The following PSMC2 variants were observed in gnomAD, a reference collection of about 807,000 sequenced individuals.
The protein encoded by PSMC2 is proteasome 26S subunit, ATPase 2, also known as 26S proteasome regulatory subunit 7.
PSMC2 carries 7 observed loss-of-function variants against 53.3 expected under a neutral mutation model. The observed-to-expected ratio is 0.13, with a 90% CI of 0.07 to 0.25. PSMC2 has a LOEUF of 0.25. PSMC2 is among the 10% of genes least tolerant of loss of function. PSMC2 has a pLI of 1.00. For synonymous variants in PSMC2, 169 were observed against 183.9 expected, an observed-to-expected ratio of 0.92 and a Z score of 0.66; for missense variants, 241 against 544.0, an observed-to-expected ratio of 0.44 and a Z score of 5.54.
intron 8 of PSMC2, 82 bp from the exon 9 acceptor site, chr7:103,365,994 G>A: frequency 3.6e-6 from 4 of 1,098,550 alleles, no homozygotes; most frequent in South Asian, 1.4e-5. Context: ...AATAAATATT[G>A]AAAAGTTTGA....
intron 4 of PSMC2, 139 bp from the exon 5 acceptor site, chr7:103,361,818 A>C: frequency 1.3e-6 from 1 of 776,730 alleles, no homozygotes; most frequent in Non-Finnish European, 1.9e-6. Context: ...GGGTATAGAA[A>C]AGGATCTTTA....
intron 1 of PSMC2, among the ~76,000 whole-genome samples, chr7:103,349,103 A>C (rs944379010): frequency 1.6e-4 from 24 of 151,942 alleles, no homozygotes; most frequent in African/African-American, 5.8e-4. Flanking sequence ...GCTATTTTTA[A>C]ATGTTCTTTT....
intron 4 of PSMC2, among the ~76,000 whole-genome samples, chr7:103,356,542 T>C (rs1342574246): frequency 6.6e-6 from 1 of 152,230 alleles, no homozygotes; most frequent in Non-Finnish European, 1.5e-5. Context: ...TGAGGGAAAA[T>C]AATTTTAATT....
At chr7:103,365,079 T>C (rs1025060442) in intron 8 of PSMC2, among the ~76,000 whole-genome samples, 20 of 151,276 alleles carry the variant, frequency 1.3e-4, no homozygotes, top group African/African-American at 4.8e-4. Flanking sequence ...CTGCGTGAGT[T>C]GAGGTATCCT....
At chr7:103,359,986 C>G (rs1265144942) in intron 4 of PSMC2, among the ~76,000 whole-genome samples, 2 of 151,506 alleles carry the variant, frequency 1.3e-5, no homozygotes, top group Non-Finnish European at 2.9e-5. Flanking sequence ...GAGGCTGACG[C>G]AGGAGAATTG....
At chr7:103,350,923 T>C (rs979414351) in intron 1 of PSMC2, among the ~76,000 whole-genome samples, 23 of 152,224 alleles carry the variant, frequency 1.5e-4, no homozygotes, top group African/African-American at 5.5e-4. Context: ...GTTTTTGACA[T>C]TGTTGAGCCT....
chr7:103,367,664 T>A lies in PSMC2; in HGVS notation c.1047+49T>A, dbSNP rs1235407378. ...GAAAGGGATTTTTGAAGTTTTTTCT[T>A]CCTGTGATTTTTTTCCATTTTAATA... On this transcript the variant is annotated intron_variant, in intron 10 of 11. Coordinates refer to ENST00000292644, the MANE Select transcript of PSMC2 (RefSeq NM_002803.4). This position sits in a 1 kb window ranked among gnomAD's most constrained non-coding sequence, Gnocchi z 6.1. 2 of 1,608,934 alleles carry A rather than the reference T, an allele frequency of 1.2e-6. No homozygotes were observed.
chr7:103,362,325 T>C lies in PSMC2; in HGVS notation c.422+237T>C, dbSNP rs1190003395. ...TTATGAATGGCTTCAAATTTCAGAG[T>C]TGAGGTTACCAGTCCATTTAAGGTA... On this transcript the variant is annotated intron_variant, in intron 5 of 11. Coordinates refer to ENST00000292644, the MANE Select transcript of PSMC2 (RefSeq NM_002803.4). 10 of 1,371,874 alleles carry C rather than the reference T, an allele frequency of 7.3e-6. No individual in the cohort carries two copies. In the East Asian group the frequency reaches 2.6e-4, roughly 36 times the overall value. The allele number at this position is 1,371,874 out of a possible 1,614,324, so 85.0% of individuals were successfully genotyped here. A position where few individuals can be genotyped will look rare whatever the true frequency, so the allele number is the denominator to read the frequency against.
chr7:103,347,659 C>T lies in PSMC2; in HGVS notation c.-53C>T. 1 of 1,598,666 alleles carries T rather than the reference C, an allele frequency of 6.3e-7. No homozygotes were observed. The highest frequency in any genetic ancestry group is 8.6e-7 in the Non-Finnish European group (1 of 1,166,378). On this transcript the variant is annotated 5_prime_UTR_variant, in exon 1 of 12. Transcript: ENST00000292644. Reference sequence around the variant, plus strand: ...GGGAAAGGGAAGACACCACCGGAAGCAAGGAAGGTGCTGTGTAATCATTAA... The same window carrying T: ...GGGAAAGGGAAGACACCACCGGAAGTAAGGAAGGTGCTGTGTAATCATTAA...
chr7:103,348,245 A>C (rs1456452072), intron 1 of PSMC2, among the ~76,000 whole-genome samples: 3 of 152,208 alleles, frequency 2.0e-5, no homozygotes, highest in Non-Finnish European at 4.4e-5. Flanking sequence ...ATATCTTTGA[A>C]AAGCCTCGCA....
At chr7:103,361,888 A>G in intron 4 of PSMC2, 69 bp from the exon 5 acceptor site, 1 of 1,460,904 alleles carries the variant, frequency 6.8e-7, no homozygotes, top group South Asian at 1.3e-5. Context: ...TCAGGATATA[A>G]TCTAGTTAGT....
At chr7:103,364,107 G>T in intron 7 of PSMC2, 36 bp from the exon 8 acceptor site, 1 of 1,598,076 alleles carries the variant, frequency 6.3e-7, no homozygotes, top group Non-Finnish European at 8.5e-7. Context: ...TTGTTATACA[G>T]AAGTGGTAAG....
Position 103,362,093 on chromosome 7 carries a change from G to A in PSMC2, c.422+5G>A, listed in dbSNP as rs777000871. ...TGAAGAAGGGATGAGAGTGGGGTAAGATTTCTATTTACAATAAATACTTTT... is the reference window on the plus strand; with the variant it reads ...TGAAGAAGGGATGAGAGTGGGGTAAAATTTCTATTTACAATAAATACTTTT... On this transcript the variant is annotated splice_donor_5th_base_variant and intron_variant, in intron 5 of 11. Transcript: ENST00000292644. The A allele has an allele frequency of 6.2e-7, 1 of 1,612,262 alleles. No individual in the cohort carries two copies.
At chr7:103,362,286 C>T in intron 5 of PSMC2, 198 bp downstream of exon 5, 2 of 1,403,056 alleles carry the variant, frequency 1.4e-6, no homozygotes, top group South Asian at 1.6e-5. Context: ...CTCCCCTACT[C>T]CCACTGTTGT....
chr7:103,365,780 T>TA (rs1204162077), intron 8 of PSMC2, among the ~76,000 whole-genome samples: 1 of 150,630 alleles, frequency 6.6e-6, no homozygotes, highest in Non-Finnish European at 1.5e-5. Flanking sequence ...ATACAAAAAT[T>TA]AGCGGGGTGT....
intron 8 of PSMC2, 80 bp downstream of exon 8, chr7:103,364,387 A>G (rs954771638): frequency 1.3e-5 from 19 of 1,498,510 alleles, no homozygotes; most frequent in Non-Finnish European, 1.7e-5. Flanking sequence ...GCACTTCTGC[A>G]TTGAGGGATC....
At chr7:103,361,510 CA>C (rs759044767) in intron 4 of PSMC2, among the ~76,000 whole-genome samples, 8,975 of 51,346 alleles carry the variant, frequency 0.17, 183 homozygotes, top group East Asian at 0.33. Context: ...AACTCCATCT[CA>C]AAAAAAAAAA....
chr7:103,362,255 A>G, intron 5 of PSMC2, 167 bp downstream of exon 5: 1 of 1,422,768 alleles, frequency 7.0e-7, no homozygotes, highest in Non-Finnish European at 9.1e-7. Flanking sequence ...CTGCTTCCTA[A>G]CTTCCCATCG....
chr7:103,349,574 A>C lies in PSMC2; in HGVS notation c.70+1793A>C, dbSNP rs1037055537. ...AGGGATTCTCCTGCCTCAACCTCCC[A>C]AGTAGCTGGGATTACAGGCACCCCC... On this transcript the variant is annotated intron_variant, in intron 1 of 11. Coordinates refer to ENST00000292644, the MANE Select transcript of PSMC2 (RefSeq NM_002803.4). Among the ~76,000 whole-genome samples, 9 of 151,612 alleles carry C rather than the reference A, an allele frequency of 5.9e-5. 1 individual carries two copies. The highest frequency in any genetic ancestry group is 5.9e-4 in the Admixed American group (9 of 15,218).
Sources: gnomAD v4.1 joint callset for allele counts (sites outside exome capture counted in the v4.1 genomes callset) on GRCh38, gnomAD v4.1.1 for gene constraint, Gnocchi (gnomAD v3.1) non-coding constraint, MANE v1.5 for transcripts, NCBI Gene and HGNC (gene_info 2026-07-23, HGNC 2026-07-21) for gene names.